Variants in RB1CC1 observed in about 807,000 individuals in gnomAD.
The protein encoded by RB1CC1 is RB1 inducible coiled-coil 1.
A neutral mutation model predicts 177.5 loss-of-function variants in RB1CC1; 46 were observed. The ratio of observed to expected loss-of-function variants is 0.26; its 90% CI spans 0.20 to 0.33. The LOEUF (loss-of-function observed/expected upper bound fraction) is 0.33, where lower values mean the gene tolerates loss of function less well. Ranked by LOEUF, RB1CC1 falls within the 10% of genes least tolerant of loss-of-function variation. The pLI is 1.00. For synonymous variants in RB1CC1, 666 were observed against 613.6 expected (o/e 1.09, Z -1.26); for missense variants, 1,703 against 1,816.3 (o/e 0.94, Z 1.13).
chr8:52,637,685 A>ATTTATTTATTTATT (rs1563357079), intron 18 of RB1CC1, among the ~76,000 whole-genome samples: 9 of 144,532 alleles, frequency 6.2e-5, no homozygotes, highest in Admixed American at 4.0e-4. Flanking sequence ...ATTTATTTAT[A>ATTTATTTATTTATT]TATTTATTTT....
chr8:52,683,983 G>T lies in RB1CC1; in HGVS notation c.102C>A (p.Ser34Arg), dbSNP rs1282271661. Residue 34 changes from serine (S) to arginine (R), a missense_variant, in exon 4 of 24, where the codon AGC (serine) becomes AGA (arginine). Transcript: ENST00000025008. ...TVADLKHAIQ[S>R]KYKIAIQHQV... ...GGTGTTGAATAGCAATCTTGTATTT[G>T]CTTTGAATGGCATGCTTAAGGTCTG... 1 of 1,613,658 alleles carries T rather than the reference G, an allele frequency of 6.2e-7. No individual in the cohort carries two copies. The highest frequency in any genetic ancestry group is 1.3e-5 in the African/African-American group (1 of 74,898).
At position 52,628,084 on chromosome 8, in the gene RB1CC1, A is replaced by G; in HGVS notation, c.4584T>C (p.Tyr1528=). 1 of 1,606,662 alleles carries G rather than the reference A, an allele frequency of 6.2e-7. No individual in the cohort carries two copies. The change falls in exon 22 of 24, where the codon TAT becomes TAC. Residue 1528 remains tyrosine (Y), a synonymous_variant. Coordinates refer to ENST00000025008, the MANE Select transcript of RB1CC1 (RefSeq NM_014781.5). ...CAGGTAGAGACTCTGAATGTAGAAA[A>G]TATAAAGTAGGACTAACAGTAAATA... The part of the protein sequence containing the change: ...YVLFTVSPTL[Y]FLHSESLPAL...
rs1239088438 is a variant in RB1CC1, at chr8:52,683,789, C to T, written c.199-70G>A. 3 of 1,562,844 alleles carry T rather than the reference C, an allele frequency of 1.9e-6. No homozygotes were observed. The Admixed American group carries it at 5.7e-5, about 30-fold the overall frequency. On this transcript the variant is annotated intron_variant, in intron 4 of 23. Transcript: ENST00000025008. The stretch of plus-strand genomic sequence containing the variant: ...AAATACTGAGCGTGCACATTGCCTT[C>T]AATATATGAAGCAAATAAACCTTAC...
At chr8:52,686,493 C>T (rs931778899) in intron 2 of RB1CC1, among the ~76,000 whole-genome samples, 3 of 152,190 alleles carry the variant, frequency 2.0e-5, no homozygotes, top group Non-Finnish European at 4.4e-5. Context: ...CTGCAGTGAG[C>T]TACGATTGTG....
intron 1 of RB1CC1, among the ~76,000 whole-genome samples, chr8:52,706,202 ACC>A (rs1402276844): frequency 2.6e-5 from 4 of 151,566 alleles, no homozygotes; most frequent in African/African-American, 7.3e-5. Context: ...AATTTGTTGC[ACC>A]AAAAGAGTTA....
At chr8:52,630,144 ACT>A (rs1848656070) in intron 21 of RB1CC1, among the ~76,000 whole-genome samples, 1 of 152,126 alleles carries the variant, frequency 6.6e-6, no homozygotes, top group Non-Finnish European at 1.5e-5. Context: ...ACAAATCAAA[ACT>A]CTCCAATATA....
rs894306715 is a variant in RB1CC1 at position 52,678,035 on chromosome 8, A to G, written c.370-1464T>C. Among the ~76,000 whole-genome samples, 12 of 152,346 alleles carry G rather than the reference A, an allele frequency of 7.9e-5. No individual in the cohort carries two copies. The East Asian group carries it at 1.9e-3, about 24-fold the overall frequency. ...AATTGTTAAAATTTATAAATGTAAA[A>G]TAAGTTCAACTGTAGCACTGTTTAC... On this transcript the variant is annotated intron_variant, in intron 5 of 23. Transcript: ENST00000025008.
Position 52,680,139 on chromosome 8 carries a change from T to A in RB1CC1, c.369+3410A>T, listed in dbSNP as rs865862897. On this transcript the variant is annotated intron_variant, in intron 5 of 23. Coordinates refer to ENST00000025008, the MANE Select transcript of RB1CC1 (RefSeq NM_014781.5). ...TCTACACTAAATTACCCTAATTTAG[T>A]GTAGAAAAAAAGAATTAAAAGTAAA... 2.6e-5 allele frequency among the ~76,000 whole-genome samples: 4 copies of A among 151,986 alleles called. No individual in the cohort carries two copies. In the Middle Eastern group the frequency reaches 0.01, roughly 388 times the overall value.
intron 15 of RB1CC1, among the ~76,000 whole-genome samples, chr8:52,652,608 G>T (rs1200953999): frequency 6.6e-6 from 1 of 152,172 alleles, no homozygotes; most frequent in East Asian, 1.9e-4. Context: ...GTCAATTTTT[G>T]AGAGCGTAAA....
chr8:52,676,370 G>C lies in RB1CC1; in HGVS notation c.571C>G (p.His191Asp). 1 of 1,594,018 alleles carries C rather than the reference G, an allele frequency of 6.3e-7. No individual in the cohort carries two copies. The highest frequency in any genetic ancestry group is 1.8e-4 in the Middle Eastern group (1 of 5,698). The change falls in exon 6 of 24, where the codon CAT becomes GAT. Residue 191 changes from histidine (H) to aspartate (D), a missense_variant and splice_region_variant. This residue lies in a region of RB1CC1 where 315 missense variants were observed against 304.9 expected (regional missense o/e 1.03). Coordinates refer to ENST00000025008, the MANE Select transcript of RB1CC1 (RefSeq NM_014781.5). ...SIEDIKLKLT[H>D]LGTAVSVMAK... ...TATCCATTTTAATGGCAAACATACT[G>C]AGTAAGTTTTAACTTGATGTCTTCT...
At chr8:52,663,571 C>T (rs1261920419) in intron 8 of RB1CC1, among the ~76,000 whole-genome samples, 1 of 152,024 alleles carries the variant, frequency 6.6e-6, no homozygotes, top group East Asian at 1.9e-4. Flanking sequence ...TATTATACTA[C>T]GTTGTAAATG....
chr8:52,681,166 AT>A (rs111700987), intron 5 of RB1CC1, among the ~76,000 whole-genome samples: 10 of 147,846 alleles, frequency 6.8e-5, no homozygotes, highest in Admixed American at 1.4e-4. Context: ...TAATTTTTGC[AT>A]TTTTTTTTTA....
rs564612503 is a variant in RB1CC1, at chr8:52,675,838, G to A, written c.572+531C>T. Among the ~76,000 whole-genome samples the A allele has an allele frequency of 6.2e-5, 9 of 146,146 alleles. No individual in the cohort carries two copies. In the South Asian group the frequency reaches 1.9e-3, roughly 32 times the overall value. On this transcript the variant is annotated intron_variant, in intron 6 of 23. Coordinates refer to ENST00000025008, the MANE Select transcript of RB1CC1 (RefSeq NM_014781.5). ...GGAGGTGGAGGTTGCAGTGAGCTGA[G>A]ATCACACCACTGTACTCCAGCCTGG...
intron 8 of RB1CC1, among the ~76,000 whole-genome samples, chr8:52,666,475 G>A (rs1289542213): frequency 2.7e-5 from 4 of 150,860 alleles, no homozygotes; most frequent in Middle Eastern, 3.4e-3. Flanking sequence ...ACGAGATAGC[G>A]CCACTGCACT....
intron 18 of RB1CC1, among the ~76,000 whole-genome samples, chr8:52,641,328 G>A (rs1421463075): frequency 7.0e-6 from 1 of 142,638 alleles, no homozygotes; most frequent in Non-Finnish European, 1.5e-5. Context: ...AGGTTGCAGT[G>A]AGCCGAGATT....
At chr8:52,628,394 A>T (rs761067544) in intron 21 of RB1CC1, among the ~76,000 whole-genome samples, 1 of 152,170 alleles carries the variant, frequency 6.6e-6, no homozygotes, top group Non-Finnish European at 1.5e-5. Flanking sequence ...AAAACCAAAA[A>T]TTTCTTTAAT....
At chr8:52,645,583 A>G in intron 16 of RB1CC1, 119 bp downstream of exon 16, 1 of 1,018,294 alleles carries the variant, frequency 9.8e-7, no homozygotes, top group Non-Finnish European at 1.4e-6. Context: ...TAACAGGATC[A>G]ATGTAAGGAA....
At chr8:52,640,783 T>A (rs1376425502) in intron 18 of RB1CC1, among the ~76,000 whole-genome samples, 3 of 152,226 alleles carry the variant, frequency 2.0e-5, no homozygotes, top group African/African-American at 7.2e-5. Flanking sequence ...TTTGCTTTTT[T>A]GAATTACTTT....
At chr8:52,642,196 T>G (rs12114890) in intron 18 of RB1CC1, among the ~76,000 whole-genome samples, 155 bp downstream of exon 18, 2,843 of 152,310 alleles carry the variant, frequency 0.019, 96 homozygotes, top group African/African-American at 0.066. Context: ...AGTAATGTTT[T>G]CTCACACTTA....
Sources: gnomAD v4.1 joint callset for allele counts (sites outside exome capture counted in the v4.1 genomes callset) on GRCh38, gnomAD v4.1.1 for gene constraint, gnomAD v4.1.1 regional missense constraint, MANE v1.5 for transcripts, NCBI Gene and HGNC (gene_info 2026-07-23, HGNC 2026-07-21) for gene names.